PPP2R1B: variants seen among roughly 807,000 people sequenced by gnomAD.
PPP2R1B encodes the protein protein phosphatase 2 scaffold subunit Abeta.
PPP2R1B carries 58 observed loss-of-function variants against 72.7 expected under a neutral mutation model. The ratio of observed to expected loss-of-function variants is 0.80; its 90% CI spans 0.65 to 0.99. PPP2R1B has a LOEUF of 0.99. Ranked by LOEUF, PPP2R1B falls within the 50% of genes least tolerant of loss-of-function variation. The pLI is 0.00. For synonymous variants in PPP2R1B, 256 were observed against 264.6 expected, an observed-to-expected ratio of 0.97 and a Z score of 0.32; for missense variants, 695 against 733.6, an observed-to-expected ratio of 0.95 and a Z score of 0.61.
chr11:111,697,355 A>G, the PPP2R1B span, among the ~76,000 whole-genome samples: 2 of 152,350 alleles, frequency 1.3e-5, no homozygotes, highest in African/African-American at 4.8e-5. Context: ...TGCAGATGAT[A>G]TGCTGAGAGC....
At chr11:111,747,406 T>C (rs993968635) in intron 11 of PPP2R1B, among the ~76,000 whole-genome samples, 5 of 152,174 alleles carry the variant, frequency 3.3e-5, no homozygotes, top group Non-Finnish European at 2.9e-5. Context: ...GCAGCAGCAG[T>C]GAGAGTACAA....
At chr11:111,689,603 G>A in the PPP2R1B span, among the ~76,000 whole-genome samples, 1 of 152,132 alleles carries the variant, frequency 6.6e-6, no homozygotes, top group Non-Finnish European at 1.5e-5. Context: ...AGAAGAGCAG[G>A]GAGACATCCA....
the PPP2R1B span, among the ~76,000 whole-genome samples, chr11:111,720,157 T>C: frequency 6.6e-6 from 1 of 152,182 alleles, no homozygotes; most frequent in Non-Finnish European, 1.5e-5. Context: ...AGACACAGCC[T>C]GGCAGCAGCT....
Position 111,751,211 on chromosome 11 carries a change from G to C in PPP2R1B, c.1338+948C>G, listed in dbSNP as rs529237428. Among the ~76,000 whole-genome samples, 3 of 151,996 alleles carry C rather than the reference G, an allele frequency of 2.0e-5. No individual in the cohort carries two copies. The South Asian group carries it at 6.2e-4, about 32-fold the overall frequency. ...AGAATGTAGGGCAAGTGGTACCTAGGGACATTTTGCTTAGAATACAAGGCA... is the reference window on the plus strand; with the variant it reads ...AGAATGTAGGGCAAGTGGTACCTAGCGACATTTTGCTTAGAATACAAGGCA... On this transcript the variant is annotated intron_variant, in intron 10 of 14. Transcript: ENST00000527614.
chr11:111,745,598 C>G (rs1944679691), intron 11 of PPP2R1B, among the ~76,000 whole-genome samples: 1 of 152,076 alleles, frequency 6.6e-6, no homozygotes, highest in Admixed American at 6.6e-5. Context: ...CTGTCTCTTT[C>G]TCTCTCCCCA....
Position 111,742,507 on chromosome 11 carries a change from A to C in PPP2R1B, c.1697+16T>G. The C allele has an allele frequency of 6.2e-7, 1 of 1,609,110 alleles. No individual in the cohort carries two copies. Among genetic ancestry groups the C allele is most frequent in the Non-Finnish European group, 8.5e-7 (1 of 1,177,440 alleles). ...AAAGTACACTTTTAAAACAAGACTAAACACTAAAATCTTACTTGGTATCTA... is the reference window on the plus strand; with the variant it reads ...AAAGTACACTTTTAAAACAAGACTACACACTAAAATCTTACTTGGTATCTA... On this transcript the variant is annotated intron_variant, in intron 13 of 14. Transcript: ENST00000527614.
At chr11:111,760,007 C>T (rs1200265033) in intron 4 of PPP2R1B, 56 bp from the exon 5 acceptor site, 2 of 1,543,602 alleles carry the variant, frequency 1.3e-6, no homozygotes, top group East Asian at 2.3e-5. Flanking sequence ...ATAAACCTGC[C>T]CCCCATACAC....
chr11:111,750,861 CAA>C (rs1944879810), intron 10 of PPP2R1B, among the ~76,000 whole-genome samples: 2 of 148,420 alleles, frequency 1.3e-5, no homozygotes, highest in East Asian at 4.0e-4. Context: ...TTTTTTGACA[CAA>C]AGTTTTACTC....
At chr11:111,720,616 C>T in the PPP2R1B span, 2 of 1,614,108 alleles carry the variant, frequency 1.2e-6, no homozygotes, top group Non-Finnish European at 1.7e-6. Flanking sequence ...AATCAGCCTT[C>T]ACCCCGCATG....
At chr11:111,750,814 T>G (rs1405531292) in intron 10 of PPP2R1B, among the ~76,000 whole-genome samples, 1 of 151,888 alleles carries the variant, frequency 6.6e-6, no homozygotes, top group East Asian at 1.9e-4. Flanking sequence ...AATACTAACA[T>G]TACAAGCTTC....
At chr11:111,697,624 T>G in the PPP2R1B span, among the ~76,000 whole-genome samples, 2 of 152,232 alleles carry the variant, frequency 1.3e-5, no homozygotes, top group South Asian at 4.2e-4. Context: ...GCATAGCTAA[T>G]AGAAAACCCA....
At chr11:111,711,558 G>A in the PPP2R1B span, among the ~76,000 whole-genome samples, 1,121 of 152,226 alleles carry the variant, frequency 7.4e-3, 8 homozygotes, top group Middle Eastern at 0.054. Context: ...TGCAGTAAGC[G>A]TAGCTTGCAG....
Position 111,738,570 on chromosome 11 carries a change from G to C in PPP2R1B, c.*3026C>G, listed in dbSNP as rs1309073736. On this transcript the variant is annotated 3_prime_UTR_variant, in exon 15 of 15. Transcript: ENST00000527614. ...GCTCAAAGGTCAGGCTGCCGTCTCT[G>C]TTGAGTCAGGACAAGTTGTCTGGCA... is the stretch of plus-strand genomic sequence containing the variant. 1.0e-6 allele frequency: 1 copy of C among 985,380 alleles called. No individual in the cohort carries two copies. The highest frequency in any genetic ancestry group is 1.2e-6 in the Non-Finnish European group (1 of 829,972). 61.0% of individuals were successfully genotyped at this position (985,380 alleles called of 1,614,324 possible).
At chr11:111,753,005 A>G (rs1297923944) in intron 9 of PPP2R1B, among the ~76,000 whole-genome samples, 3 of 152,158 alleles carry the variant, frequency 2.0e-5, no homozygotes, top group Non-Finnish European at 2.9e-5. Flanking sequence ...AGGGATAATA[A>G]TAAGACCTAC....
chr11:111,744,904 C>A (rs1292478017), intron 11 of PPP2R1B, among the ~76,000 whole-genome samples: 2 of 152,200 alleles, frequency 1.3e-5, no homozygotes, highest in African/African-American at 4.8e-5. Context: ...CTCAGATGCA[C>A]TAAGGAGCAA....
chr11:111,719,090 T>C, the PPP2R1B span, among the ~76,000 whole-genome samples: 3 of 152,234 alleles, frequency 2.0e-5, no homozygotes, highest in South Asian at 6.2e-4. Flanking sequence ...CTGGGGCTTA[T>C]TAGCCTCTGC....
the PPP2R1B span, among the ~76,000 whole-genome samples, chr11:111,696,373 A>G: frequency 1.3e-5 from 2 of 152,196 alleles, no homozygotes; most frequent in African/African-American, 4.8e-5. Flanking sequence ...TTAACATTAG[A>G]GGAAGCTGGG....
intron 3 of PPP2R1B, among the ~76,000 whole-genome samples, chr11:111,761,558 C>T (rs1945329338): frequency 6.6e-6 from 1 of 152,242 alleles, no homozygotes; most frequent in South Asian, 2.1e-4. Flanking sequence ...ATCCTTTTAT[C>T]CAACCTATAA....
chr11:111,701,760 TGTAAC>T, the PPP2R1B span, among the ~76,000 whole-genome samples: 1 of 152,198 alleles, frequency 6.6e-6, no homozygotes, highest in African/African-American at 2.4e-5. The surrounding 1 kb of genome is among the most constrained non-coding windows in gnomAD (Gnocchi z 4.2). Flanking sequence ...GCCTTCTACT[TGTAAC>T]TAAACACACA....
Sources: gnomAD v4.1 joint callset for allele counts (sites outside exome capture counted in the v4.1 genomes callset) on GRCh38, gnomAD v4.1.1 for gene constraint, Gnocchi (gnomAD v3.1) non-coding constraint, MANE v1.5 for transcripts, NCBI Gene and HGNC (gene_info 2026-07-23, HGNC 2026-07-21) for gene names.